The following CTNND2 variants were observed in gnomAD, a reference collection of about 807,000 sequenced individuals.
The protein encoded by CTNND2 is catenin delta-2.
CTNND2 carries 22 observed loss-of-function variants against 144.4 expected under a neutral mutation model. That is an observed-to-expected ratio of 0.15 (90% CI 0.11 to 0.22). The LOEUF (loss-of-function observed/expected upper bound fraction) is 0.22. CTNND2 is among the 10% of genes least tolerant of loss of function. The pLI, the probability that CTNND2 is intolerant of heterozygous loss-of-function variation, is 1.00. For missense variants in CTNND2, 1,353 were observed against 1,618.8 expected, an observed-to-expected ratio of 0.84 and a Z score of 2.82; for synonymous variants, 751 against 695.6, an observed-to-expected ratio of 1.08 and a Z score of -1.25.
chr5:11,903,418 A>C lies in CTNND2; in HGVS notation c.37+399T>G. The C allele has an allele frequency of 9.7e-7, 1 of 1,025,722 alleles. No homozygotes were observed. Among genetic ancestry groups the C allele is most frequent in the African/African-American group, 1.7e-5 (1 of 58,950 alleles). The allele number at this position is 1,025,722 out of a possible 1,614,324, so 63.5% of individuals were successfully genotyped here. ...AACATAAGGGCAAAAGACTGGAGGG[A>C]AGTCCTCCCCACCCCCACCCCGTCT... On this transcript the variant is annotated intron_variant, in intron 1 of 21. Transcript: ENST00000304623. The surrounding 1 kb of genome is among the most constrained non-coding windows in gnomAD (Gnocchi z 5.4).
intron 11 of CTNND2, among the ~76,000 whole-genome samples, chr5:11,177,364 T>C (rs890692632): frequency 2.0e-5 from 3 of 152,200 alleles, no homozygotes; most frequent in African/African-American, 7.2e-5. Flanking sequence ...TTTCTTACTA[T>C]GTATCTACAA....
chr5:11,483,269 G>A (rs1768456608), intron 3 of CTNND2, among the ~76,000 whole-genome samples: 1 of 152,182 alleles, frequency 6.6e-6, no homozygotes, highest in African/African-American at 2.4e-5. Context: ...TGGAAGCATG[G>A]AATTACCATT....
At chr5:11,549,420 T>C (rs546695384) in intron 3 of CTNND2, among the ~76,000 whole-genome samples, 3 of 152,306 alleles carry the variant, frequency 2.0e-5, no homozygotes, top group Admixed American at 2.0e-4. Context: ...CATACTCCTA[T>C]ACATTTGTCC....
At chr5:11,636,856 A>G (rs1195859160) in intron 2 of CTNND2, among the ~76,000 whole-genome samples, 1 of 152,194 alleles carries the variant, frequency 6.6e-6, no homozygotes, top group African/African-American at 2.4e-5. Context: ...ATATTGAGCA[A>G]TGACCTTCTA....
At chr5:11,416,360 C>T (rs1400531142) in intron 3 of CTNND2, among the ~76,000 whole-genome samples, 2 of 152,164 alleles carry the variant, frequency 1.3e-5, no homozygotes, top group Non-Finnish European at 2.9e-5. Flanking sequence ...GCACAGGCAA[C>T]TTCCTTTTGG....
At chr5:11,788,786 G>A (rs966222389) in intron 1 of CTNND2, among the ~76,000 whole-genome samples, 7 of 151,670 alleles carry the variant, frequency 4.6e-5, no homozygotes, top group East Asian at 1.9e-4. Flanking sequence ...TCATTAACTC[G>A]TCATTTACAT....
intron 3 of CTNND2, among the ~76,000 whole-genome samples, chr5:11,447,616 T>C (rs555112558): frequency 6.6e-6 from 1 of 152,316 alleles, no homozygotes; most frequent in African/African-American, 2.4e-5. Flanking sequence ...CTGTGCCTTT[T>C]AGTTGCTGAA....
At chr5:11,124,579 C>T (rs1157502876) in intron 12 of CTNND2, among the ~76,000 whole-genome samples, 1 of 152,150 alleles carries the variant, frequency 6.6e-6, no homozygotes, top group Non-Finnish European at 1.5e-5. Context: ...CTTTGCGGGC[C>T]ACACAGGGTT....
intron 1 of CTNND2, among the ~76,000 whole-genome samples, chr5:11,824,478 G>A (rs934349975): frequency 1.3e-5 from 2 of 152,140 alleles, no homozygotes; most frequent in African/African-American, 2.4e-5. Context: ...TCACCATGAG[G>A]AAGCAGGAAA....
intron 1 of CTNND2, among the ~76,000 whole-genome samples, chr5:11,883,303 G>A (rs1261246350): frequency 6.6e-6 from 1 of 152,010 alleles, no homozygotes; most frequent in Non-Finnish European, 1.5e-5. Context: ...CCTACATTAG[G>A]TATTTCTCCT....
At chr5:11,773,456 A>T (rs1298459331) in intron 1 of CTNND2, among the ~76,000 whole-genome samples, 1 of 152,242 alleles carries the variant, frequency 6.6e-6, no homozygotes, top group African/African-American at 2.4e-5. Context: ...GATGCTATTT[A>T]AGTACAGAAC....
chr5:11,028,694 T>C (rs1044541493), intron 16 of CTNND2, among the ~76,000 whole-genome samples: 16 of 152,316 alleles, frequency 1.1e-4, no homozygotes, highest in African/African-American at 3.8e-4. Flanking sequence ...TTGTAGCATA[T>C]GTCAGAATGT....
intron 2 of CTNND2, among the ~76,000 whole-genome samples, chr5:11,574,286 A>G (rs1043110627): frequency 1.3e-5 from 2 of 152,074 alleles, no homozygotes; most frequent in Non-Finnish European, 2.9e-5. Flanking sequence ...ACATGTATTA[A>G]CTTATTTATT....
intron 2 of CTNND2, among the ~76,000 whole-genome samples, chr5:11,679,224 G>A (rs1402573639): frequency 6.6e-6 from 1 of 151,926 alleles, no homozygotes; most frequent in African/African-American, 2.4e-5. Flanking sequence ...CACACAGAAT[G>A]ACTAGTTACC....
rs1748984000 is a variant in CTNND2, at chr5:11,296,280, G to T, written c.1628+50092C>A. Reference sequence around the variant, plus strand: ...GAGAAATGCAAATCAAAACCACAATGAGATACCATCTCACACCAGTTAGAA... The same window carrying T: ...GAGAAATGCAAATCAAAACCACAATTAGATACCATCTCACACCAGTTAGAA... On this transcript the variant is annotated intron_variant, in intron 9 of 21. Transcript: ENST00000304623. Among the ~76,000 whole-genome samples the T allele has an allele frequency of 2.0e-5, 3 of 151,968 alleles. No individual in the cohort carries two copies. The South Asian group carries it at 6.2e-4, about 32-fold the overall frequency.
At chr5:11,254,038 T>G (rs1259995806) in intron 9 of CTNND2, among the ~76,000 whole-genome samples, 2 of 152,234 alleles carry the variant, frequency 1.3e-5, no homozygotes, top group African/African-American at 4.8e-5. Flanking sequence ...ATGCTTTACA[T>G]CAAACGGGTA....
intron 9 of CTNND2, among the ~76,000 whole-genome samples, chr5:11,261,903 C>T (rs1310635822): frequency 6.6e-6 from 1 of 152,084 alleles, no homozygotes; most frequent in Non-Finnish European, 1.5e-5. Flanking sequence ...CTACTCAGCC[C>T]AGTGGTGTTA....
chr5:11,380,608 T>A (rs1413006890), intron 7 of CTNND2, among the ~76,000 whole-genome samples: 2 of 152,200 alleles, frequency 1.3e-5, no homozygotes, highest in Admixed American at 6.5e-5. Flanking sequence ...TTTAAACCTA[T>A]CCAGGGATCT....
At chr5:11,640,568 G>A (rs997770734) in intron 2 of CTNND2, among the ~76,000 whole-genome samples, 14 of 152,080 alleles carry the variant, frequency 9.2e-5, no homozygotes, top group Admixed American at 5.2e-4. Context: ...GTAAGACAAC[G>A]GGACTGGTGT....
Sources: gnomAD v4.1 joint callset for allele counts (sites outside exome capture counted in the v4.1 genomes callset) on GRCh38, gnomAD v4.1.1 for gene constraint, Gnocchi (gnomAD v3.1) non-coding constraint, MANE v1.5 for transcripts, NCBI Gene and HGNC (gene_info 2026-07-23, HGNC 2026-07-21) for gene names.